Variants in RALGAPA2 observed in about 807,000 individuals in gnomAD.
The protein encoded by RALGAPA2 is Ral GTPase activating protein catalytic subunit alpha 2.
Under a neutral mutation model 230.4 loss-of-function variants are expected in RALGAPA2, and 139 were observed. The ratio of observed to expected loss-of-function variants is 0.60; its 90% confidence interval spans 0.53 to 0.69. RALGAPA2 has a LOEUF of 0.69. RALGAPA2 is among the 30% of genes least tolerant of loss of function. The pLI is 0.00. For synonymous variants in RALGAPA2, 847 were observed against 837.8 expected (o/e 1.01, Z -0.19); for missense variants, 2,163 against 2,276.0 (o/e 0.95, Z 1.01).
Position 20,546,846 on chromosome 20 carries a change from T to C in RALGAPA2, c.3157-14A>G, listed in dbSNP as rs752874502. On this transcript the variant is annotated splice_polypyrimidine_tract_variant and intron_variant, in intron 23 of 39. Coordinates refer to ENST00000202677, the MANE Select transcript of RALGAPA2 (RefSeq NM_020343.4). ...ATTTAAGATATCCTAAAAGGGAAGA[T>C]AAGAAAAAACACAATCGTAATGTTC... The C allele has an allele frequency of 1.0e-4, 156 of 1,563,056 alleles. No individual in the cohort carries two copies. The highest frequency in any genetic ancestry group is 1.3e-4 in the Non-Finnish European group (149 of 1,161,688).
At position 20,408,452 on chromosome 20, in the gene RALGAPA2, T is replaced by C. The variant is rs146375720; in HGVS notation, c.5617+3575A>G. Among the ~76,000 whole-genome samples the C allele has an allele frequency of 1.3e-5, 2 of 152,384 alleles. 1 individual carries two copies. The highest frequency in any genetic ancestry group is 4.1e-4 in the South Asian group (2 of 4,832). ...AGGTCCAATGTAAAGTTCCTTTTTT[T>C]CTCTTTTATAAGAGCAACTTCTAAA... is the stretch of plus-strand genomic sequence containing the variant. On this transcript the variant is annotated intron_variant, in intron 38 of 39. Transcript: ENST00000202677.
rs575773385 is a variant in RALGAPA2, at chr20:20,676,951, A to T, written c.218-663T>A. On this transcript the variant is annotated intron_variant, in intron 2 of 39. Transcript: ENST00000202677. The stretch of plus-strand genomic sequence containing the variant: ...GCCACAGACAATACATAAATAATGG[A>T]TATGGCTTGTCCAATAAAACGTTAT... Among the ~76,000 whole-genome samples the T allele has an allele frequency of 5.3e-5, 8 of 152,342 alleles. No homozygotes were observed. The South Asian group carries it at 1.7e-3, about 32-fold the overall frequency.
intron 33 of RALGAPA2, among the ~76,000 whole-genome samples, chr20:20,506,341 C>A (rs2062533582): frequency 6.6e-6 from 1 of 152,128 alleles, no homozygotes; most frequent in Non-Finnish European, 1.5e-5. Flanking sequence ...TCAGTTAAGT[C>A]TCTGTTACAC....
intron 16 of RALGAPA2, among the ~76,000 whole-genome samples, chr20:20,600,577 C>T (rs1313509006): frequency 6.6e-6 from 1 of 152,126 alleles, no homozygotes; most frequent in Non-Finnish European, 1.5e-5. Context: ...GATTCTAAAC[C>T]ATCTGTATTA....
intron 23 of RALGAPA2, among the ~76,000 whole-genome samples, chr20:20,570,091 AC>A (rs1431129092): frequency 6.6e-6 from 1 of 152,280 alleles, no homozygotes; most frequent in East Asian, 1.9e-4. Context: ...GGGAGTACAA[AC>A]AATTCTACTT....
chr20:20,559,249 T>G (rs2064180649), intron 23 of RALGAPA2, among the ~76,000 whole-genome samples: 1 of 152,190 alleles, frequency 6.6e-6, no homozygotes. Context: ...TCATTCAATT[T>G]TGGGACTCTA....
At chr20:20,653,459 T>A in intron 4 of RALGAPA2, 71 bp downstream of exon 4, 1 of 838,412 alleles carries the variant, frequency 1.2e-6, no homozygotes, top group Non-Finnish European at 1.9e-6. Flanking sequence ...ATGATATCAA[T>A]TATATAAAAC....
At chr20:20,583,298 C>T (rs890221546) in intron 19 of RALGAPA2, 72 bp from the exon 20 acceptor site, 45 of 1,416,134 alleles carry the variant, frequency 3.2e-5, no homozygotes, top group Non-Finnish European at 3.5e-5. Flanking sequence ...ATTACTGATA[C>T]GAAAGTAACT....
chr20:20,528,273 G>A (rs1390248224), intron 27 of RALGAPA2, among the ~76,000 whole-genome samples: 3 of 152,228 alleles, frequency 2.0e-5, no homozygotes, highest in African/African-American at 4.8e-5. Context: ...CACCAACAGA[G>A]TGCCATGCTG....
chr20:20,511,146 C>T (rs2145335856), intron 33 of RALGAPA2, 108 bp downstream of exon 33: 1 of 1,492,658 alleles, frequency 6.7e-7, no homozygotes, highest in Admixed American at 2.8e-5. Context: ...GGTTACAGAA[C>T]TACCCTTGGA....
intron 37 of RALGAPA2, among the ~76,000 whole-genome samples, chr20:20,435,758 C>T (rs1261251730): frequency 6.6e-6 from 1 of 152,162 alleles, no homozygotes; most frequent in African/African-American, 2.4e-5. Flanking sequence ...GTTCTCTTCA[C>T]GAAGGGAACG....
intron 39 of RALGAPA2, among the ~76,000 whole-genome samples, chr20:20,393,628 G>T (rs1453541202): frequency 6.6e-6 from 1 of 152,150 alleles, no homozygotes; most frequent in Non-Finnish European, 1.5e-5. Context: ...AACTTCAGAG[G>T]CCGCTCTGCA....
intron 37 of RALGAPA2, among the ~76,000 whole-genome samples, chr20:20,456,071 ACT>A (rs994588476): frequency 2.0e-5 from 3 of 152,142 alleles, no homozygotes; most frequent in Admixed American, 1.3e-4. Flanking sequence ...TCATGACTTA[ACT>A]CTCTGGATTT....
rs1232458053 is a variant in RALGAPA2, at chr20:20,393,162, A to T, written c.*127T>A. The T allele has an allele frequency of 3.7e-6, 5 of 1,359,414 alleles. No homozygotes were observed. Among genetic ancestry groups the T allele is most frequent in the Non-Finnish European group, 4.9e-6 (5 of 1,018,852 alleles). 84.2% of individuals were successfully genotyped at this position (1,359,414 alleles called of 1,614,324 possible). On this transcript the variant is annotated 3_prime_UTR_variant, in exon 40 of 40. Coordinates refer to ENST00000202677, the MANE Select transcript of RALGAPA2 (RefSeq NM_020343.4). Reference sequence around the variant, plus strand: ...GAAATTTCCTGGAGATTCTGGGTTTAGTGGCTCGGGGCAGAGGCAGGAGAG... The same window carrying T: ...GAAATTTCCTGGAGATTCTGGGTTTTGTGGCTCGGGGCAGAGGCAGGAGAG...
chr20:20,637,360 T>C lies in RALGAPA2; in HGVS notation c.805+3A>G, dbSNP rs1039939873. ...CTCTATACACGGCTCCAACAGTACTTACCAAGTACAGGTTTGTAGATGTTT... is the reference window on the plus strand; with the variant it reads ...CTCTATACACGGCTCCAACAGTACTCACCAAGTACAGGTTTGTAGATGTTT... On this transcript the variant is annotated splice_donor_region_variant and intron_variant, in intron 8 of 39. Coordinates refer to ENST00000202677, the MANE Select transcript of RALGAPA2 (RefSeq NM_020343.4). The C allele has an allele frequency of 3.1e-6, 5 of 1,596,132 alleles. No individual in the cohort carries two copies. In the African/African-American group the frequency reaches 5.4e-5, roughly 17 times the overall value.
At chr20:20,638,299 G>A (rs887992347) in intron 7 of RALGAPA2, among the ~76,000 whole-genome samples, 1 of 152,100 alleles carries the variant, frequency 6.6e-6, no homozygotes, top group Non-Finnish European at 1.5e-5. Flanking sequence ...TCTAAAGCAG[G>A]GCTTCCCAAC....
intron 23 of RALGAPA2, among the ~76,000 whole-genome samples, chr20:20,568,402 G>T (rs566552841): frequency 1.3e-5 from 2 of 152,186 alleles, no homozygotes; most frequent in East Asian, 3.9e-4. Flanking sequence ...AGTTGCTTTG[G>T]AATGCACTAC....
chr20:20,488,045 A>C (rs536200687), intron 36 of RALGAPA2, among the ~76,000 whole-genome samples: 38 of 152,268 alleles, frequency 2.5e-4, no homozygotes, highest in Middle Eastern at 3.4e-3. Flanking sequence ...GCATGCCAAA[A>C]TCCAAGCATA....
chr20:20,678,281 T>C (rs900789794), intron 2 of RALGAPA2, among the ~76,000 whole-genome samples: 1 of 152,144 alleles, frequency 6.6e-6, no homozygotes, highest in Non-Finnish European at 1.5e-5. Flanking sequence ...CGAACACAGA[T>C]TATACTAAAA....
Sources: gnomAD v4.1 joint callset for allele counts (sites outside exome capture counted in the v4.1 genomes callset) on GRCh38, gnomAD v4.1.1 for gene constraint, MANE v1.5 for transcripts, NCBI Gene and HGNC (gene_info 2026-07-23, HGNC 2026-07-21) for gene names.